The following CAMK4 variants were observed in gnomAD, a reference collection of about 807,000 sequenced individuals.
CAMK4 encodes calcium/calmodulin-dependent protein kinase type IV.
CAMK4 carries 22 observed loss-of-function variants against 44.9 expected under a neutral mutation model. The observed-to-expected ratio is 0.49, with a 90% CI of 0.35 to 0.70. The LOEUF is 0.70. Ranked by LOEUF, CAMK4 falls within the 30% of genes least tolerant of loss-of-function variation. The pLI is 0.01. For missense variants in CAMK4, 498 were observed against 586.8 expected (o/e 0.85, Z 1.56); for synonymous variants, 218 against 215.4 (o/e 1.01, Z -0.11).
rs1160441941 is a variant in CAMK4, at chr5:111,446,410, T to TA, written c.460-273dup. ...ATTCCAGTTGATATAGTAATATGCATAAAGAGAATTGTAACTAATATTAGC... is the reference window on the plus strand; with the variant it reads ...ATTCCAGTTGATATAGTAATATGCATAAAAGAGAATTGTAACTAATATTAGC... On this transcript the variant is annotated intron_variant, in intron 5 of 10. Transcript: ENST00000282356. 2.0e-5 allele frequency among the ~76,000 whole-genome samples: 3 copies of TA among 152,350 alleles called. No homozygotes were observed. The South Asian group carries it at 6.2e-4, about 32-fold the overall frequency.
chr5:111,396,089 G>C (rs188339839), intron 5 of CAMK4, among the ~76,000 whole-genome samples: 1 of 152,156 alleles, frequency 6.6e-6, no homozygotes, highest in Non-Finnish European at 1.5e-5. Flanking sequence ...GGAGGACTCT[G>C]ATATCTAACT....
chr5:111,483,875 T>G, intron 10 of CAMK4, 151 bp from the exon 11 acceptor site: 1 of 492,450 alleles, frequency 2.0e-6, no homozygotes, highest in Non-Finnish European at 3.5e-6. Flanking sequence ...TTCTCCAAAT[T>G]TTCTTTTGGC....
intron 7 of CAMK4, among the ~76,000 whole-genome samples, chr5:111,466,826 A>T (rs1754851135): frequency 8.1e-6 from 1 of 123,292 alleles, no homozygotes; most frequent in Non-Finnish European, 1.9e-5. Context: ...CATTTATCAC[A>T]GAGTTAGAAA....
At chr5:111,358,537 A>G (rs1750465958) in intron 2 of CAMK4, among the ~76,000 whole-genome samples, 1 of 151,730 alleles carries the variant, frequency 6.6e-6, no homozygotes, top group South Asian at 2.1e-4. Flanking sequence ...CAACCTACCA[A>G]TCTGTCACTG....
intron 1 of CAMK4, among the ~76,000 whole-genome samples, chr5:111,254,748 G>C (rs920051602): frequency 6.6e-6 from 1 of 152,116 alleles, no homozygotes; most frequent in Admixed American, 6.5e-5. Flanking sequence ...CATGCACACC[G>C]CTCTACATCA....
At position 111,487,395 on chromosome 5, in the gene CAMK4, T is replaced by C. The variant is rs1368496934; in HGVS notation, c.*2929T>C. ...AACAAAGTCTAATTGGAATCCAGTA[T>C]TTTTTCTCAAACTGTAATTTCACTT... is the stretch of plus-strand genomic sequence containing the variant. On this transcript the variant is annotated 3_prime_UTR_variant, in exon 11 of 11. Transcript: ENST00000282356. 6.6e-6 allele frequency: 1 copy of C among 152,114 alleles called. No homozygotes were observed. Among genetic ancestry groups the C allele is most frequent in the Non-Finnish European group, 1.5e-5 (1 of 67,990 alleles). The allele number at this position is 152,114 out of a possible 1,614,324, so 9.4% of individuals were successfully genotyped here.
chr5:111,417,227 A>ATTT lies in CAMK4; in HGVS notation c.459+22458_459+22460dup, dbSNP rs70973606. 1.5e-3 allele frequency among the ~76,000 whole-genome samples: 220 copies of ATTT among 143,690 alleles called. 2 individuals are homozygous for ATTT. Among genetic ancestry groups the ATTT allele is most frequent in the South Asian group, 6.0e-3 (27 of 4,490 alleles). 94.3% of individuals were successfully genotyped at this position (143,690 alleles called of 152,430 possible). A position where few individuals can be genotyped will look rare whatever the true frequency, so the allele number is the denominator to read the frequency against. On this transcript the variant is annotated intron_variant, in intron 5 of 10. Transcript: ENST00000282356. ...AGGCATGTGCCATCACACCCAGCTA[A>ATTT]TTTTTTTTTTTTTTTGAGACAAAGT...
chr5:111,269,077 T>C (rs1012460969), intron 1 of CAMK4, among the ~76,000 whole-genome samples: 5 of 152,212 alleles, frequency 3.3e-5, no homozygotes, highest in Non-Finnish European at 7.4e-5. Flanking sequence ...AAAAGTATTT[T>C]GATACCAATA....
chr5:111,436,391 G>A (rs963626029), intron 5 of CAMK4, among the ~76,000 whole-genome samples: 1 of 152,136 alleles, frequency 6.6e-6, no homozygotes, highest in Non-Finnish European at 1.5e-5. Context: ...CTCTTCTCTT[G>A]TCTACTACTC....
intron 5 of CAMK4, among the ~76,000 whole-genome samples, chr5:111,434,922 C>G (rs1433496681): frequency 6.6e-6 from 1 of 152,156 alleles, no homozygotes; most frequent in African/African-American, 2.4e-5. Flanking sequence ...TTCAAACTTC[C>G]TCCTACCAAC....
At chr5:111,440,688 G>A (rs560877279) in intron 5 of CAMK4, among the ~76,000 whole-genome samples, 2 of 140,914 alleles carry the variant, frequency 1.4e-5, no homozygotes, top group African/African-American at 4.9e-5. Flanking sequence ...GAAGGAAGAG[G>A]TAAACATATC....
intron 10 of CAMK4, among the ~76,000 whole-genome samples, chr5:111,483,743 G>C (rs1394568720): frequency 6.6e-6 from 1 of 152,164 alleles, no homozygotes; most frequent in African/African-American, 2.4e-5. Context: ...GGGAAACACA[G>C]ATTAAAATTT....
intron 1 of CAMK4, among the ~76,000 whole-genome samples, chr5:111,317,587 A>G (rs1048541056): frequency 6.6e-6 from 1 of 152,144 alleles, no homozygotes; most frequent in African/African-American, 2.4e-5. Context: ...TTGAACTTAC[A>G]TGATCCTTAT....
intron 1 of CAMK4, among the ~76,000 whole-genome samples, chr5:111,312,489 G>T (rs1021341057): frequency 6.6e-6 from 1 of 152,164 alleles, no homozygotes; most frequent in Non-Finnish European, 1.5e-5. Context: ...GGTAGTAGGT[G>T]TCAGTTATTA....
chr5:111,412,769 G>A (rs1262292711), intron 5 of CAMK4, among the ~76,000 whole-genome samples: 3 of 152,176 alleles, frequency 2.0e-5, no homozygotes, highest in Non-Finnish European at 4.4e-5. Flanking sequence ...AGCTACCAGT[G>A]TGTCATCTTA....
intron 5 of CAMK4, among the ~76,000 whole-genome samples, chr5:111,435,932 A>G (rs1262018173): frequency 6.6e-6 from 1 of 152,182 alleles, no homozygotes; most frequent in East Asian, 1.9e-4. Flanking sequence ...ATACAAATAA[A>G]TATTATATGC....
At chr5:111,460,432 G>A (rs990743370) in intron 7 of CAMK4, among the ~76,000 whole-genome samples, 1 of 151,278 alleles carries the variant, frequency 6.6e-6, no homozygotes. Flanking sequence ...CTGCCACACC[G>A]GGCTAATTTT....
intron 7 of CAMK4, among the ~76,000 whole-genome samples, chr5:111,465,908 A>C (rs1230114531): frequency 6.6e-6 from 1 of 152,202 alleles, no homozygotes; most frequent in Non-Finnish European, 1.5e-5. Flanking sequence ...AAAGAAAACT[A>C]TAGATCAATA....
intron 1 of CAMK4, among the ~76,000 whole-genome samples, chr5:111,295,315 C>A (rs1580543749): frequency 6.6e-6 from 1 of 152,196 alleles, no homozygotes; most frequent in Non-Finnish European, 1.5e-5. Flanking sequence ...CCTCCATATC[C>A]TACAAATTTC....
Sources: gnomAD v4.1 joint callset for allele counts (sites outside exome capture counted in the v4.1 genomes callset) on GRCh38, gnomAD v4.1.1 for gene constraint, MANE v1.5 for transcripts, NCBI Gene and HGNC (gene_info 2026-07-23, HGNC 2026-07-21) for gene names.